KLF9: variants seen among roughly 807,000 people sequenced by gnomAD.
The protein encoded by KLF9 is KLF transcription factor 9.
In KLF9, 2 loss-of-function variants were observed where a neutral mutation model predicts 17.3. The observed-to-expected ratio is 0.12, with a 90% CI of 0.05 to 0.36. The LOEUF is 0.36. Among genes scored for constraint, KLF9 ranks in the 10% least tolerant of loss-of-function variants. The probability of loss-of-function intolerance (pLI) is 1.00; values close to 1 mark genes in which losing one functional copy is unlikely to be tolerated. For synonymous variants in KLF9, 138 were observed against 139.2 expected (o/e 0.99, Z 0.06); for missense variants, 226 against 333.2 (o/e 0.68, Z 2.51).
intron 1 of KLF9, among the ~76,000 whole-genome samples, chr9:70,407,670 A>G (rs1369759013): frequency 2.0e-5 from 3 of 152,238 alleles, no homozygotes; most frequent in Admixed American, 6.5e-5. Flanking sequence ...GTGACTAGCA[A>G]TAAGAGCTAT....
In KLF9 at chr9:70,387,894, G is replaced by A; in HGVS notation, c.617C>T (p.Pro206Leu). 1 of 1,614,130 alleles carries A rather than the reference G, an allele frequency of 6.2e-7. No individual in the cohort carries two copies. Among genetic ancestry groups the A allele is most frequent in the Non-Finnish European group, 8.5e-7 (1 of 1,180,024 alleles). Reference protein sequence around the residue: ...THTGEKQFRCPLCEKRFMRSD... With the variant: ...THTGEKQFRCLLCEKRFMRSD... ...CCTCATGAAGCGCTTCTCACACAGC[G>A]GACAGCGGAACTGCTTTTCCCCAGT... Residue 206 changes from proline to leucine, a missense_variant, in exon 2 of 2, where the codon CCG (proline) becomes CTG (leucine). By Grantham distance (98) the Pro-to-Leu change is moderately conservative (BLOSUM62 -3). Coordinates refer to ENST00000377126, the MANE Select transcript of KLF9 (RefSeq NM_001206.4).
At chr9:70,412,505 C>T (rs886389392) in intron 1 of KLF9, among the ~76,000 whole-genome samples, 1 of 152,212 alleles carries the variant, frequency 6.6e-6, no homozygotes, top group Non-Finnish European at 1.5e-5. Flanking sequence ...CATCTGACTT[C>T]CCCGCTGCCA....
chr9:70,387,985 T>G lies in KLF9; in HGVS notation c.526A>C (p.Thr176Pro). 6.2e-7 allele frequency: 1 copy of G among 1,613,614 alleles called. No individual in the cohort carries two copies. Among genetic ancestry groups the G allele is most frequent in the Non-Finnish European group, 8.5e-7 (1 of 1,179,912 alleles). ...VHTGERPFPC[T>P]WPDCLKKFSR... Reference sequence around the variant, plus strand: ...AACTTTTTAAGGCAGTCTGGCCACGTGCAGGGAAAGGGCCGTTCACCTAAG... The same window carrying G: ...AACTTTTTAAGGCAGTCTGGCCACGGGCAGGGAAAGGGCCGTTCACCTAAG... The change falls in exon 2 of 2, where the codon ACG (threonine) becomes CCG (proline). Residue 176 changes from threonine (T) to proline (P), a missense_variant. Physicochemically the swap from Thr to Pro is conservative, Grantham distance 38. Coordinates refer to ENST00000377126, the MANE Select transcript of KLF9 (RefSeq NM_001206.4).
At position 70,387,771 on chromosome 9, in the gene KLF9, G is replaced by C; in HGVS notation, c.*5C>G. 1 of 1,612,790 alleles carries C rather than the reference G, an allele frequency of 6.2e-7. No homozygotes were observed. Among genetic ancestry groups the C allele is most frequent in the Non-Finnish European group, 8.5e-7 (1 of 1,179,022 alleles). ...CATCCCTCCCTGGCTTCCACGGGCA[G>C]CACCTCACAAAGCGTTGGCCAGCGC... is the stretch of plus-strand genomic sequence containing the variant. On this transcript the variant is annotated 3_prime_UTR_variant, in exon 2 of 2. Transcript: ENST00000377126.
In KLF9 at chr9:70,397,188, C is replaced by T. The variant is rs570965457; in HGVS notation, c.506-9183G>A. ...TCAGAAAGTCAGAAACTTCCTGGCCCGGTGTGATGGCTCACACTTGTAAAC... is the reference window on the plus strand; with the variant it reads ...TCAGAAAGTCAGAAACTTCCTGGCCTGGTGTGATGGCTCACACTTGTAAAC... On this transcript the variant is annotated intron_variant, in intron 1 of 1. Transcript: ENST00000377126. Among the ~76,000 whole-genome samples the T allele has an allele frequency of 5.3e-5, 8 of 151,970 alleles. No individual in the cohort carries two copies. The South Asian group carries it at 6.2e-4, about 12-fold the overall frequency.
At chr9:70,391,900 A>G (rs968286062) in intron 1 of KLF9, among the ~76,000 whole-genome samples, 3 of 152,246 alleles carry the variant, frequency 2.0e-5, no homozygotes, top group Non-Finnish European at 4.4e-5. Context: ...TGGTTTAAGT[A>G]TTATCTACAG....
At position 70,405,951 on chromosome 9, in the gene KLF9, A is replaced by C. The variant is rs1587742403; in HGVS notation, c.505+6908T>G. Among the ~76,000 whole-genome samples, 3 of 152,330 alleles carry C rather than the reference A, an allele frequency of 2.0e-5. No individual in the cohort carries two copies. In the South Asian group the frequency reaches 6.2e-4, roughly 32 times the overall value. On this transcript the variant is annotated intron_variant, in intron 1 of 1. Coordinates refer to ENST00000377126, the MANE Select transcript of KLF9 (RefSeq NM_001206.4). ...AGGGAGTGGTAGGAAACCTCTCAGCAGCTCTGCCTTGGGCTGTTAAAGAGA... is the reference window on the plus strand; with the variant it reads ...AGGGAGTGGTAGGAAACCTCTCAGCCGCTCTGCCTTGGGCTGTTAAAGAGA...
chr9:70,413,295 C>T lies in KLF9; in HGVS notation c.69G>A (p.Ala23=), dbSNP rs1291420844. Residue 23 remains alanine, a synonymous_variant, in exon 1 of 2, where the codon GCG becomes GCA. Transcript: ENST00000377126. The surrounding 1 kb of genome is among the most constrained non-coding windows in gnomAD (Gnocchi z 5.6). ...CCGGAGCGACCCCATGCTCCGGCAC[C>T]GCAGCGCGGTTCGAAATGGAAACCA... ...QCLVSISNRA[A]VPEHGVAPDA... 3.1e-6 allele frequency: 5 copies of T among 1,610,106 alleles called. No individual in the cohort carries two copies. Among genetic ancestry groups the T allele is most frequent in the Non-Finnish European group, 3.4e-6 (4 of 1,178,566 alleles).
intron 1 of KLF9, among the ~76,000 whole-genome samples, chr9:70,409,083 CACATATATGTATAT>C (rs2037284071): frequency 1.6e-5 from 1 of 61,068 alleles, no homozygotes; most frequent in Non-Finnish European, 3.9e-5. Context: ...TATATATATA[CACATATATGTATAT>C]ATATGTGTAT....
At chr9:70,406,282 G>GA (rs1363905074) in intron 1 of KLF9, among the ~76,000 whole-genome samples, 1 of 152,204 alleles carries the variant, frequency 6.6e-6, no homozygotes, top group Non-Finnish European at 1.5e-5. Flanking sequence ...GGCTCTGGGA[G>GA]ATTACACAGT....
intron 1 of KLF9, among the ~76,000 whole-genome samples, chr9:70,402,505 G>A (rs2037228544): frequency 6.6e-6 from 1 of 152,088 alleles, no homozygotes; most frequent in Admixed American, 6.6e-5. Context: ...TGTTTCTCTG[G>A]ACATTAAAAT....
intron 1 of KLF9, among the ~76,000 whole-genome samples, chr9:70,402,089 G>A (rs2118919167): frequency 6.6e-6 from 1 of 152,236 alleles, no homozygotes; most frequent in Non-Finnish European, 1.5e-5. Context: ...CCTCAGGTTA[G>A]AGAAAATAGC....
At chr9:70,399,620 G>A (rs578008598) in intron 1 of KLF9, among the ~76,000 whole-genome samples, 35 of 152,248 alleles carry the variant, frequency 2.3e-4, no homozygotes, top group Non-Finnish European at 1.2e-4. Flanking sequence ...TCAGAGGGCA[G>A]ATGACGTGCC....
intron 1 of KLF9, among the ~76,000 whole-genome samples, chr9:70,409,296 A>G (rs2037293704): frequency 6.7e-6 from 1 of 148,984 alleles, no homozygotes. Context: ...TCTGATCTTC[A>G]GAATCCTATA....
chr9:70,391,111 G>A (rs2037150523), intron 1 of KLF9, among the ~76,000 whole-genome samples: 1 of 152,002 alleles, frequency 6.6e-6, no homozygotes, highest in South Asian at 2.1e-4. Context: ...TGAGAGGAGG[G>A]GGTTCATTTA....
chr9:70,413,296 G>C lies in KLF9; in HGVS notation c.68C>G (p.Ala23Gly). ...QCLVSISNRA[A>G]VPEHGVAPDA... Reference sequence around the variant, plus strand: ...CGGAGCGACCCCATGCTCCGGCACCGCAGCGCGGTTCGAAATGGAAACCAG... The same window carrying C: ...CGGAGCGACCCCATGCTCCGGCACCCCAGCGCGGTTCGAAATGGAAACCAG... Residue 23 changes from alanine (A) to glycine (G), a missense_variant, in exon 1 of 2, where the codon GCG (alanine) becomes GGG (glycine). Ala to Gly is a moderately conservative substitution (Grantham distance 60). Coordinates refer to ENST00000377126, the MANE Select transcript of KLF9 (RefSeq NM_001206.4). The surrounding 1 kb of genome is among the most constrained non-coding windows in gnomAD (Gnocchi z 5.6). The C allele has an allele frequency of 6.2e-7, 1 of 1,609,658 alleles. No individual in the cohort carries two copies. Among genetic ancestry groups the C allele is most frequent in the Non-Finnish European group, 8.5e-7 (1 of 1,178,396 alleles).
chr9:70,391,242 C>T (rs73649105), intron 1 of KLF9, among the ~76,000 whole-genome samples: 3,792 of 152,202 alleles, frequency 0.025, 140 homozygotes, highest in African/African-American at 0.086. Context: ...CTAGAAGTGA[C>T]CATGGAAAAC....
intron 1 of KLF9, among the ~76,000 whole-genome samples, chr9:70,396,093 G>A (rs1374964408): frequency 2.0e-5 from 3 of 152,118 alleles, no homozygotes; most frequent in Admixed American, 1.3e-4. Context: ...TAGTGAAAAC[G>A]TTAAAAAATC....
chr9:70,401,791 G>A (rs2037224093), intron 1 of KLF9, among the ~76,000 whole-genome samples: 1 of 151,330 alleles, frequency 6.6e-6, no homozygotes, highest in Admixed American at 6.6e-5. Flanking sequence ...AAGGTGGGTG[G>A]ATCACATGAG....
Sources: allele counts gnomAD v4.1 joint callset (sites outside exome capture counted in the v4.1 genomes callset), GRCh38; gene constraint gnomAD v4.1.1; non-coding constraint Gnocchi (gnomAD v3.1); transcripts MANE v1.5; gene names NCBI Gene and HGNC (gene_info 2026-07-23, HGNC 2026-07-21).